Variants in GRID2 observed in about 807,000 individuals in gnomAD.
The protein encoded by GRID2 is glutamate ionotropic receptor delta type subunit 2, also known as glutamate receptor ionotropic, delta-2.
GRID2 carries 33 observed loss-of-function variants against 114.8 expected under a neutral mutation model. The ratio of observed to expected loss-of-function variants is 0.29; its 90% CI spans 0.22 to 0.38. The LOEUF (loss-of-function observed/expected upper bound fraction) is 0.38, where lower values mean the gene tolerates loss of function less well. Ranked by LOEUF, GRID2 falls within the 10% of genes least tolerant of loss-of-function variation. The probability of loss-of-function intolerance (pLI) is 1.00; values close to 1 mark genes in which losing one functional copy is unlikely to be tolerated. For synonymous variants in GRID2, 505 were observed against 449.9 expected, an observed-to-expected ratio of 1.12 and a Z score of -1.55; for missense variants, 1,184 against 1,257.7, an observed-to-expected ratio of 0.94 and a Z score of 0.89.
At chr4:93,183,019 A>G (rs191950942) in intron 4 of GRID2, among the ~76,000 whole-genome samples, 61 of 152,348 alleles carry the variant, frequency 4.0e-4, no homozygotes, top group Admixed American at 1.1e-3. Context: ...TGGCCTTAGG[A>G]TAATATCTGG....
intron 2 of GRID2, among the ~76,000 whole-genome samples, chr4:92,724,830 C>T (rs1433395825): frequency 1.3e-5 from 2 of 152,108 alleles, no homozygotes; most frequent in East Asian, 3.9e-4. Context: ...TACTAGCTCT[C>T]ATTAAGAATT....
At chr4:93,685,200 C>T (rs1725965126) in intron 14 of GRID2, among the ~76,000 whole-genome samples, 1 of 152,080 alleles carries the variant, frequency 6.6e-6, no homozygotes, top group Non-Finnish European at 1.5e-5. Context: ...TTGTTAAGTA[C>T]TGGTGTCTGT....
chr4:93,011,794 G>C (rs563225399), intron 2 of GRID2, among the ~76,000 whole-genome samples: 2 of 152,202 alleles, frequency 1.3e-5, no homozygotes, highest in South Asian at 4.1e-4. Flanking sequence ...AACTTCTGGA[G>C]CTGCTTCTGG....
chr4:93,101,127 A>G (rs1352630436), intron 3 of GRID2, among the ~76,000 whole-genome samples: 1 of 152,008 alleles, frequency 6.6e-6, no homozygotes, highest in Non-Finnish European at 1.5e-5. Context: ...TTATTTGTTT[A>G]TGTTTCTTAA....
At chr4:92,634,424 G>C (rs940010476) in intron 2 of GRID2, among the ~76,000 whole-genome samples, 1 of 152,068 alleles carries the variant, frequency 6.6e-6, no homozygotes, top group African/African-American at 2.4e-5. Flanking sequence ...TAACACTCAA[G>C]GTTATTGGCA....
intron 13 of GRID2, among the ~76,000 whole-genome samples, chr4:93,567,215 AC>A (rs1374074091): frequency 6.6e-6 from 1 of 152,198 alleles, no homozygotes; most frequent in Non-Finnish European, 1.5e-5. Flanking sequence ...CATATACTTC[AC>A]TTATAGTAAA....
intron 13 of GRID2, among the ~76,000 whole-genome samples, chr4:93,594,826 T>A (rs1235140122): frequency 1.3e-5 from 2 of 152,136 alleles, no homozygotes; most frequent in Non-Finnish European, 2.9e-5. Flanking sequence ...CCAGGTGCCG[T>A]CCATCACCCC....
chr4:92,885,054 C>A, intron 2 of GRID2: 1 of 301,062 alleles, frequency 3.3e-6, no homozygotes, highest in Non-Finnish European at 6.6e-6. Flanking sequence ...CTTCTTTCCT[C>A]TTAAACAATT....
In GRID2 at chr4:92,647,690, GAACT is replaced by G. The variant is rs545931941; in HGVS notation, c.244+57405_244+57408del. Among the ~76,000 whole-genome samples, 3 of 149,246 alleles carry G rather than the reference GAACT, an allele frequency of 2.0e-5. No individual in the cohort carries two copies. The South Asian group carries it at 6.3e-4, about 31-fold the overall frequency. ...GTTATGAAATTTTCCTTAGTTGATT[GAACT>G]TTAAGAGAAAAATGTGACTAAGGAA... On this transcript the variant is annotated intron_variant, in intron 2 of 15. Coordinates refer to ENST00000282020, the MANE Select transcript of GRID2 (RefSeq NM_001510.4).
intron 14 of GRID2, among the ~76,000 whole-genome samples, chr4:93,749,693 C>A (rs1365195991): frequency 6.6e-6 from 1 of 152,222 alleles, no homozygotes; most frequent in Non-Finnish European, 1.5e-5. Context: ...ATGACACTTT[C>A]TTTGACCACT....
intron 2 of GRID2, among the ~76,000 whole-genome samples, chr4:92,709,589 A>AAAAATAT (rs779775767): frequency 0.014 from 1,650 of 114,538 alleles, 22 homozygotes; most frequent in South Asian, 0.026. Flanking sequence ...AAAAAAAAAA[A>AAAAATAT]ATATATATAT....
chr4:93,779,541 A>T (rs1465147987), downstream of GRID2, among the ~76,000 whole-genome samples: 1 of 152,228 alleles, frequency 6.6e-6, no homozygotes, highest in Non-Finnish European at 1.5e-5. Flanking sequence ...TTGGAGAAAC[A>T]AAATATAAAC....
At chr4:92,704,105 TC>T (rs1734819230) in intron 2 of GRID2, among the ~76,000 whole-genome samples, 2 of 151,996 alleles carry the variant, frequency 1.3e-5, no homozygotes. Context: ...TAAAACCCCG[TC>T]TCTACTTAAA....
chr4:93,390,240 C>G (rs1018402307), intron 8 of GRID2, among the ~76,000 whole-genome samples: 11 of 152,132 alleles, frequency 7.2e-5, no homozygotes, highest in Admixed American at 2.0e-4. Context: ...TTTTTTAAAG[C>G]TTTCCATTCT....
At chr4:93,785,664 C>G (rs1734576266) in intron 1 of GRID2, among the ~76,000 whole-genome samples, 1 of 152,024 alleles carries the variant, frequency 6.6e-6, no homozygotes, top group Non-Finnish European at 1.5e-5. Context: ...ACTAAGAAGC[C>G]ATTGAAGACT....
intron 2 of GRID2, among the ~76,000 whole-genome samples, chr4:92,819,906 A>G (rs1357009323): frequency 1.3e-5 from 2 of 152,138 alleles, no homozygotes; most frequent in African/African-American, 4.8e-5. Context: ...TAATATATGA[A>G]TAATAGTGAG....
At chr4:92,655,710 G>A (rs1189655596) in intron 2 of GRID2, among the ~76,000 whole-genome samples, 2 of 151,214 alleles carry the variant, frequency 1.3e-5, no homozygotes, top group Non-Finnish European at 3.0e-5. Context: ...TACTGAGTTT[G>A]TATGTGATTT....
chr4:92,963,677 T>C (rs1287927905), intron 2 of GRID2, among the ~76,000 whole-genome samples: 1 of 152,004 alleles, frequency 6.6e-6, no homozygotes, highest in Non-Finnish European at 1.5e-5. Flanking sequence ...AGACTTCTGC[T>C]CATGTTGATT....
At chr4:93,390,499 C>T (rs1032129346) in intron 8 of GRID2, among the ~76,000 whole-genome samples, 1 of 152,144 alleles carries the variant, frequency 6.6e-6, no homozygotes, top group Non-Finnish European at 1.5e-5. Context: ...GTCACTTTTA[C>T]TATTCGCATT....
Sources: allele counts gnomAD v4.1 joint callset (sites outside exome capture counted in the v4.1 genomes callset), GRCh38; gene constraint gnomAD v4.1.1; transcripts MANE v1.5; gene names NCBI Gene and HGNC (gene_info 2026-07-23, HGNC 2026-07-21).